The following MAP4 variants were observed in gnomAD, a reference collection of about 807,000 sequenced individuals.
MAP4 encodes the protein microtubule associated protein 4.
In MAP4, 76 loss-of-function variants were observed where a neutral mutation model predicts 170.2. The observed-to-expected ratio is 0.45, with a 90% CI of 0.37 to 0.54. The LOEUF is 0.54. Among genes scored for constraint, MAP4 ranks in the 20% least tolerant of loss-of-function variants. The probability of loss-of-function intolerance (pLI) is 0.00; values close to 1 mark genes in which losing one functional copy is unlikely to be tolerated. For synonymous variants in MAP4, 909 were observed against 994.5 expected (o/e 0.91, Z 1.62); for missense variants, 2,506 against 2,748.0 (o/e 0.91, Z 1.97).
Position 47,916,762 on chromosome 3 carries a change from C to T in MAP4, c.1065G>A (p.Glu355=), listed in dbSNP as rs372418240. 3.7e-6 allele frequency: 6 copies of T among 1,613,966 alleles called. No homozygotes were observed. The African/African-American group carries it at 5.3e-5, about 14-fold the overall frequency. Residue 355 remains glutamate, a synonymous_variant, in exon 7 of 21, where the codon GAG becomes GAA. Transcript: ENST00000683076. Reference sequence around the variant, plus strand: ...AGTCCATTTTTATAGGAGATGCCCTCTCTGTTTCTTTCAACAGTGTCACAT... The same window carrying T: ...AGTCCATTTTTATAGGAGATGCCCTTTCTGTTTCTTTCAACAGTGTCACAT... The part of the protein sequence containing the change: ...AKDVTLLKET[E]RASPIKMDLA...
At chr3:47,905,530 AAAC>A (rs1287072682) in intron 9 of MAP4, among the ~76,000 whole-genome samples, 7 of 151,894 alleles carry the variant, frequency 4.6e-5, no homozygotes, top group South Asian at 2.1e-4. Flanking sequence ...AAACATACCA[AAAC>A]AACAACAACA....
chr3:48,046,312 G>A (rs1279814643), intron 1 of MAP4, among the ~76,000 whole-genome samples: 1 of 152,176 alleles, frequency 6.6e-6, no homozygotes, highest in African/African-American at 2.4e-5. Context: ...TACTTATGTA[G>A]TGACAGAAGA....
rs1412477730 is a variant in MAP4, at chr3:47,853,205, G to A, written c.6844C>T (p.Gln2282Ter). The A allele has an allele frequency of 3.2e-6, 5 of 1,579,580 alleles. No homozygotes were observed. In the South Asian group the frequency reaches 5.8e-5, roughly 18 times the overall value. Residue 2282 changes from glutamine (Q) to a stop codon, truncating the protein, a stop_gained, in exon 20 of 21, where the codon CAA (glutamine) becomes TAA (stop). Coordinates refer to ENST00000683076, the MANE Select transcript of MAP4 (RefSeq NM_001385682.1). LOFTEE classifies it high-confidence loss of function. ...CTGTCCAAGGTCTGGGCCTCCCTTT[G>A]GTCACCACCCCCTGACAGGGTGGGG... ...GHPTLSGGGD[Q>*]REAQTLDSQI...
intron 2 of MAP4, among the ~76,000 whole-genome samples, chr3:47,983,331 C>A (rs753704509): frequency 1.3e-5 from 2 of 152,160 alleles, no homozygotes; most frequent in African/African-American, 4.8e-5. Flanking sequence ...CCCTCAGCCT[C>A]CCAAGTATAT....
intron 1 of MAP4, among the ~76,000 whole-genome samples, chr3:48,050,258 C>CAA (rs11345368): frequency 8.3e-6 from 1 of 120,572 alleles, no homozygotes; most frequent in Non-Finnish European, 1.7e-5. Context: ...GACTCCATCT[C>CAA]AAAAAAAAAA....
rs1299397546 is a variant in MAP4 at position 47,855,806 on chromosome 3, G to A, written c.6584-446C>T. Among the ~76,000 whole-genome samples the A allele has an allele frequency of 3.9e-5, 6 of 152,270 alleles. No homozygotes were observed. In the East Asian group the frequency reaches 7.7e-4, roughly 20 times the overall value. On this transcript the variant is annotated intron_variant, in intron 18 of 20. Transcript: ENST00000683076. The surrounding 1 kb of genome is among the most constrained non-coding windows in gnomAD (Gnocchi z 5.1). ...CGGCCACGGTCCCTGCTTCCCAGCC[G>A]GTAAAACTGATGCTGCAAAAGAGAA...
intron 17 of MAP4, among the ~76,000 whole-genome samples, chr3:47,866,900 C>A (rs993724085): frequency 6.6e-6 from 1 of 152,128 alleles, no homozygotes; most frequent in African/African-American, 2.4e-5. Context: ...GCATGCAGAC[C>A]GACATACACA....
chr3:48,044,646 C>T (rs145240204), intron 1 of MAP4, among the ~76,000 whole-genome samples: 2,328 of 152,074 alleles, frequency 0.015, 63 homozygotes, highest in African/African-American at 0.052. Context: ...GCCTGTAATC[C>T]CAGCTACTTG....
intron 3 of MAP4, among the ~76,000 whole-genome samples, chr3:47,930,031 G>A (rs140739152): frequency 2.2e-3 from 330 of 152,364 alleles, no homozygotes; most frequent in African/African-American, 7.7e-3. Context: ...TCAGGAGGCT[G>A]AGGCAGGATA....
chr3:48,086,934 C>T lies in MAP4; in HGVS notation c.-20+1839G>A, dbSNP rs906486013. 8.5e-5 allele frequency among the ~76,000 whole-genome samples: 13 copies of T among 152,256 alleles called. No individual in the cohort carries two copies. In the South Asian group the frequency reaches 2.7e-3, roughly 32 times the overall value. On this transcript the variant is annotated intron_variant, in intron 1 of 18. Transcript: ENST00000360240. ...CCAAAATTCTGAAGTTTCTGAACTA[C>T]TATGTGGGGGTTGGAGAGACCTTGG...
At chr3:47,966,065 C>A (rs1039543075) in intron 3 of MAP4, among the ~76,000 whole-genome samples, 2 of 151,288 alleles carry the variant, frequency 1.3e-5, no homozygotes, top group Admixed American at 6.6e-5. Flanking sequence ...AGATAATGGT[C>A]CCAACTTAAA....
chr3:47,979,517 G>A (rs1033791769), intron 2 of MAP4, among the ~76,000 whole-genome samples: 3 of 152,212 alleles, frequency 2.0e-5, no homozygotes, highest in African/African-American at 2.4e-5. Flanking sequence ...GTGCAGTGGC[G>A]CAATCTTGAC....
chr3:48,028,945 C>G (rs2100114484), intron 1 of MAP4, among the ~76,000 whole-genome samples: 1 of 151,968 alleles, frequency 6.6e-6, no homozygotes. Context: ...GAGTTCAAGA[C>G]CAGCCTGGGC....
chr3:48,004,663 A>C (rs2100101224), intron 1 of MAP4, among the ~76,000 whole-genome samples: 1 of 152,198 alleles, frequency 6.6e-6, no homozygotes, highest in Non-Finnish European at 1.5e-5. Flanking sequence ...CAGCCACCTG[A>C]GGTGTCTACT....
chr3:48,043,647 G>A (rs1298400804), intron 1 of MAP4, among the ~76,000 whole-genome samples: 9 of 152,146 alleles, frequency 5.9e-5, no homozygotes, highest in Non-Finnish European at 1.0e-4. Flanking sequence ...TGTTAGAGAT[G>A]CATATACAAA....
intron 1 of MAP4, among the ~76,000 whole-genome samples, chr3:48,014,793 A>G (rs1279367908): frequency 6.6e-6 from 1 of 152,348 alleles, no homozygotes; most frequent in African/African-American, 2.4e-5. Context: ...AGTAGCCAGC[A>G]TTCTCTTTTT....
chr3:47,919,383 C>T (rs2100041525), intron 5 of MAP4, among the ~76,000 whole-genome samples: 1 of 152,124 alleles, frequency 6.6e-6, no homozygotes, highest in Admixed American at 6.5e-5. Context: ...TCTCGGCTCG[C>T]TGCAATCTCT....
intron 3 of MAP4, among the ~76,000 whole-genome samples, chr3:47,944,436 G>T (rs933611423): frequency 1.1e-4 from 16 of 151,976 alleles, no homozygotes; most frequent in African/African-American, 3.9e-4. Flanking sequence ...TATAGAAAAT[G>T]ATATTATATG....
At chr3:47,879,708 T>C (rs1455870110) in intron 10 of MAP4, among the ~76,000 whole-genome samples, 5 of 152,206 alleles carry the variant, frequency 3.3e-5, no homozygotes, top group Non-Finnish European at 7.3e-5. Flanking sequence ...CCCAAAGTGC[T>C]GGGATTACAG....
Sources: allele counts gnomAD v4.1 joint callset (sites outside exome capture counted in the v4.1 genomes callset), GRCh38; gene constraint gnomAD v4.1.1; non-coding constraint Gnocchi (gnomAD v3.1); transcripts MANE v1.5; gene names NCBI Gene and HGNC (gene_info 2026-07-23, HGNC 2026-07-21).